The following ABCC9 variants were observed in gnomAD, a reference collection of about 807,000 sequenced individuals.
The protein encoded by ABCC9 is ATP binding cassette subfamily C member 9.
A neutral mutation model predicts 188.3 loss-of-function variants in ABCC9; 95 were observed. The observed-to-expected ratio is 0.50, with a 90% CI of 0.43 to 0.60. The LOEUF (loss-of-function observed/expected upper bound fraction) is 0.60, where lower values mean the gene tolerates loss of function less well. ABCC9 is among the 20% of genes least tolerant of loss of function. ABCC9 has a pLI of 0.00. For missense variants in ABCC9, 1,102 were observed against 1,876.3 expected, an observed-to-expected ratio of 0.59 and a Z score of 7.62; for synonymous variants, 659 against 652.7, an observed-to-expected ratio of 1.01 and a Z score of -0.15.
intron 14 of ABCC9, among the ~76,000 whole-genome samples, chr12:21,890,714 G>A (rs536372792): frequency 2.6e-5 from 4 of 151,222 alleles, no homozygotes; most frequent in Non-Finnish European, 4.4e-5. Flanking sequence ...GCAAACTATC[G>A]CAAGGACAAA....
chr12:21,807,271 A>T (rs1941922431), intron 38 of ABCC9, 75 bp downstream of exon 38: 2 of 1,599,128 alleles, frequency 1.3e-6, no homozygotes, highest in East Asian at 4.5e-5. Flanking sequence ...GAACCCAATC[A>T]GGAAATAATA....
At chr12:21,814,869 C>A (rs959635065) in intron 34 of ABCC9, 147 bp from the exon 35 acceptor site, 23 of 726,720 alleles carry the variant, frequency 3.2e-5, no homozygotes, top group African/African-American at 2.0e-4. Flanking sequence ...TTTCTTAGAT[C>A]TACATTATGA....
intron 16 of ABCC9, among the ~76,000 whole-genome samples, chr12:21,878,991 G>GT (rs1946501728): frequency 6.6e-6 from 1 of 152,184 alleles, no homozygotes; most frequent in Non-Finnish European, 1.5e-5. Flanking sequence ...AAAGGATCAT[G>GT]TAAGGATAGG....
At chr12:21,849,358 A>G (rs1173626620) in intron 24 of ABCC9, among the ~76,000 whole-genome samples, 4 of 152,140 alleles carry the variant, frequency 2.6e-5, no homozygotes, top group Non-Finnish European at 5.9e-5. Context: ...AAAGAGTGAA[A>G]ACAAAAATGT....
chr12:21,801,068 A>T lies in ABCC9; in HGVS notation c.4626T>A (p.Ala1542=). Residue 1542 remains alanine (A), a synonymous_variant, in exon 40 of 40, where the codon GCT becomes GCA. Coordinates refer to ENST00000261200, the MANE Select transcript of ABCC9 (RefSeq NM_020297.4). ...TTCACATGTCTGCGCGAACAAAAGA[A>T]GCAAATACTCCATTTTCCTGAGCCA... The part of the protein sequence containing the change: ...SLLAQENGVF[A]SFVRADM The T allele has an allele frequency of 6.2e-7, 1 of 1,614,000 alleles. No individual in the cohort carries two copies. Among genetic ancestry groups the T allele is most frequent in the Non-Finnish European group, 8.5e-7 (1 of 1,179,912 alleles).
chr12:21,927,586 C>G (rs1949092003), intron 4 of ABCC9, among the ~76,000 whole-genome samples: 1 of 152,060 alleles, frequency 6.6e-6, no homozygotes, highest in Non-Finnish European at 1.5e-5. Flanking sequence ...CCTAGGGTGT[C>G]TGTGTGGATG....
chr12:21,845,542 G>C, intron 26 of ABCC9, 61 bp downstream of exon 26: 1 of 1,305,192 alleles, frequency 7.7e-7, no homozygotes, highest in East Asian at 2.4e-5. Context: ...AGATAAGAAG[G>C]TATCACTGTT....
In ABCC9 at chr12:21,798,013, T is replaced by A. The variant is rs1417207797; in HGVS notation, c.*3031A>T. ...ATCTTTTTATATTCAATAGATTATA[T>A]GTATAATAAATGGTTAATCAATGAA... On this transcript the variant is annotated 3_prime_UTR_variant, in exon 40 of 40. Transcript: ENST00000261200. 1 of 152,184 alleles carries A rather than the reference T, an allele frequency of 6.6e-6. No homozygotes were observed. The highest frequency in any genetic ancestry group is 2.4e-5 in the African/African-American group (1 of 41,442). 9.4% of individuals were successfully genotyped at this position (152,184 alleles called of 1,614,324 possible). A position where few individuals can be genotyped will look rare whatever the true frequency, so the allele number is the denominator to read the frequency against.
intron 31 of ABCC9, among the ~76,000 whole-genome samples, chr12:21,819,190 A>T (rs7137855): frequency 0.019 from 2,820 of 152,176 alleles, 81 homozygotes; most frequent in African/African-American, 0.065. Context: ...AATTCTAAAA[A>T]CTTCTCATGT....
intron 25 of ABCC9, among the ~76,000 whole-genome samples, chr12:21,846,870 C>T (rs550062062): frequency 6.6e-6 from 1 of 152,040 alleles, no homozygotes; most frequent in Non-Finnish European, 1.5e-5. Flanking sequence ...TCCTCACATT[C>T]CTAGTACTTA....
chr12:21,828,142 C>A (rs1313149269), intron 31 of ABCC9, among the ~76,000 whole-genome samples: 1 of 152,166 alleles, frequency 6.6e-6, no homozygotes, highest in Non-Finnish European at 1.5e-5. Flanking sequence ...AAATTACACT[C>A]AACTCAACAT....
Position 21,887,850 on chromosome 12 carries a change from C to A in ABCC9, c.1887G>T (p.Glu629Asp), listed in dbSNP as rs150036969. Residue 629 changes from glutamate to aspartate, a missense_variant, in exon 15 of 40, where the codon GAG (glutamate) becomes GAT (aspartate). Physicochemically the swap from Glu to Asp is conservative, Grantham distance 45 (BLOSUM62 2). This residue lies in a region of ABCC9 where 258 missense variants were observed against 325.6 expected (regional missense o/e 0.79). Transcript: ENST00000261200. ...WRTGESSLPF[E>D]SCKKHTGVQP... ...CAACTCCAGTGTGCTTCTTACAGGA[C>A]TCAAAAGGAAGCGAACTTTCACCAG... 715 of 1,613,174 alleles carry A rather than the reference C, an allele frequency of 4.4e-4. No homozygotes were observed. The highest frequency in any genetic ancestry group is 5.7e-4 in the Non-Finnish European group (676 of 1,179,262).
intron 30 of ABCC9, among the ~76,000 whole-genome samples, chr12:21,837,523 G>A (rs1944163992): frequency 6.6e-6 from 1 of 152,044 alleles, no homozygotes; most frequent in Non-Finnish European, 1.5e-5. Context: ...GGAAAATTGG[G>A]ATAGGTAATT....
chr12:21,831,677 G>T (rs779544127), intron 30 of ABCC9, among the ~76,000 whole-genome samples: 3 of 152,192 alleles, frequency 2.0e-5, no homozygotes, highest in African/African-American at 7.2e-5. Flanking sequence ...ATCTGAGTGA[G>T]GTTTTTAAAG....
At chr12:21,912,746 A>G (rs989181032) in intron 8 of ABCC9, 126 bp downstream of exon 8, 2 of 880,178 alleles carry the variant, frequency 2.3e-6, no homozygotes, top group African/African-American at 4.4e-5. Flanking sequence ...TCTTTCTTTT[A>G]GAAAGCATTC....
At chr12:21,834,996 G>C (rs886131744) in intron 30 of ABCC9, among the ~76,000 whole-genome samples, 3 of 152,098 alleles carry the variant, frequency 2.0e-5, no homozygotes, top group African/African-American at 4.8e-5. Flanking sequence ...GTTTGGATTT[G>C]ACGGCATCAG....
At chr12:21,845,916 A>G in intron 25 of ABCC9, 84 bp from the exon 26 acceptor site, 1 of 987,998 alleles carries the variant, frequency 1.0e-6, no homozygotes. Context: ...GTATATAAAC[A>G]TTCATACATT....
At chr12:21,863,104 T>C in intron 19 of ABCC9, 50 bp from the exon 20 acceptor site, 1 of 1,157,828 alleles carries the variant, frequency 8.6e-7, no homozygotes. Flanking sequence ...GCAAAGGTAC[T>C]GTGCGTGTAT....
chr12:21,910,697 GA>G (rs1948283308), intron 9 of ABCC9, 128 bp downstream of exon 9: 1 of 802,908 alleles, frequency 1.2e-6, no homozygotes, highest in African/African-American at 1.7e-5. Context: ...GTAGATTATA[GA>G]AACGTTGTTG....
Sources: gnomAD v4.1 joint callset for allele counts (sites outside exome capture counted in the v4.1 genomes callset) on GRCh38, gnomAD v4.1.1 for gene constraint, gnomAD v4.1.1 regional missense constraint, MANE v1.5 for transcripts, NCBI Gene and HGNC (gene_info 2026-07-23, HGNC 2026-07-21) for gene names.